Variants in TLN2 observed in about 807,000 individuals in gnomAD.
TLN2 encodes the protein talin-2.
TLN2 carries 118 observed loss-of-function variants against 294.7 expected under a neutral mutation model. That is an observed-to-expected ratio of 0.40 (90% CI 0.34 to 0.47). TLN2 has a LOEUF of 0.47. TLN2 is among the 20% of genes least tolerant of loss of function. TLN2 has a pLI of 0.84. For missense variants in TLN2, 3,083 were observed against 3,282.2 expected (o/e 0.94, Z 1.48); for synonymous variants, 1,431 against 1,304.5 (o/e 1.10, Z -2.09).
In TLN2 at chr15:62,737,047, T is replaced by C; in HGVS notation, c.3528T>C (p.Ile1176=). ...TTCAAGAGGCCAAGCAGGCCCTGATTGCACCTGGAGATGCAGAGCGTCAAC... is the reference window on the plus strand; with the variant it reads ...TTCAAGAGGCCAAGCAGGCCCTGATCGCACCTGGAGATGCAGAGCGTCAAC... The part of the protein sequence containing the change: ...MLIQEAKQAL[I]APGDAERQQR... The change falls in exon 29 of 59, where the codon ATT becomes ATC. Residue 1176 remains isoleucine (I), a synonymous_variant. Coordinates refer to ENST00000636159, the MANE Select transcript of TLN2 (RefSeq NM_015059.3). 1 of 1,614,216 alleles carries C rather than the reference T, an allele frequency of 6.2e-7. No homozygotes were observed. The highest frequency in any genetic ancestry group is 8.5e-7 in the Non-Finnish European group (1 of 1,180,040).
intron 52 of TLN2, among the ~76,000 whole-genome samples, chr15:62,811,734 C>T (rs1969035): frequency 0.72 from 109,344 of 151,964 alleles, 40,002 homozygotes; most frequent in Non-Finnish European, 0.79. Context: ...TAATATCTGC[C>T]GAGTGCGGTG....
intron 45 of TLN2, among the ~76,000 whole-genome samples, chr15:62,787,687 C>G (rs569948610): frequency 7.0e-6 from 1 of 142,522 alleles, no homozygotes; most frequent in Admixed American, 7.6e-5. Flanking sequence ...TTTTTAAACT[C>G]CTTATCTTTT....
intron 7 of TLN2, among the ~76,000 whole-genome samples, chr15:62,653,749 A>T (rs1202237676): frequency 1.8e-4 from 2 of 11,210 alleles, no homozygotes; most frequent in Non-Finnish European, 1.3e-3. Context: ...AATAAAAATT[A>T]AAAAAAAAAA....
chr15:62,446,342 G>C (rs1238066129), intron 1 of TLN2, among the ~76,000 whole-genome samples: 1 of 152,126 alleles, frequency 6.6e-6, no homozygotes, highest in African/African-American at 2.4e-5. Flanking sequence ...TCTTCTGAGC[G>C]CTTAACTCCC....
intron 27 of TLN2, among the ~76,000 whole-genome samples, chr15:62,726,861 C>G (rs866932402): frequency 6.6e-6 from 1 of 152,088 alleles, no homozygotes; most frequent in Admixed American, 6.5e-5. Flanking sequence ...CAGTCTCATG[C>G]TAGTAATTGG....
At chr15:62,696,875 A>AGG (rs1468073001) in intron 14 of TLN2, among the ~76,000 whole-genome samples, 1 of 152,082 alleles carries the variant, frequency 6.6e-6, no homozygotes, top group Non-Finnish European at 1.5e-5. Flanking sequence ...TGAGGACCCG[A>AGG]GGGAGGGGAG....
At chr15:62,483,367 C>T (rs563627537) in intron 1 of TLN2, among the ~76,000 whole-genome samples, 24 of 152,288 alleles carry the variant, frequency 1.6e-4, no homozygotes, top group African/African-American at 5.8e-4. Flanking sequence ...GTAGTCAGCA[C>T]CCTGCCTGGC....
At chr15:62,533,272 A>AG (rs1481271158) in intron 1 of TLN2, among the ~76,000 whole-genome samples, 2 of 151,014 alleles carry the variant, frequency 1.3e-5, no homozygotes, top group Non-Finnish European at 3.0e-5. Context: ...AAAAAAAAAA[A>AG]AAAAAGTGGA....
intron 2 of TLN2, among the ~76,000 whole-genome samples, chr15:62,614,213 A>G (rs1240324861): frequency 6.6e-6 from 1 of 152,212 alleles, no homozygotes; most frequent in Admixed American, 6.5e-5. Context: ...CACAGAATTC[A>G]TCAGCTGATT....
At chr15:62,650,202 C>T (rs187669175) in intron 5 of TLN2, 21 bp downstream of exon 5, 80 of 1,612,546 alleles carry the variant, frequency 5.0e-5, no homozygotes, top group Non-Finnish European at 6.5e-5. Context: ...AATCCCAGTG[C>T]TGTTTCTTCA....
intron 28 of TLN2, among the ~76,000 whole-genome samples, chr15:62,736,179 G>A (rs1169664242): frequency 6.6e-6 from 1 of 152,042 alleles, no homozygotes; most frequent in Non-Finnish European, 1.5e-5. Flanking sequence ...AATTAGCCGG[G>A]CGTGGTGATG....
intron 1 of TLN2, among the ~76,000 whole-genome samples, chr15:62,572,300 G>T (rs1183811088): frequency 6.6e-6 from 1 of 152,012 alleles, no homozygotes; most frequent in Non-Finnish European, 1.5e-5. Context: ...GAGTGCAGTG[G>T]CACAATCATG....
intron 11 of TLN2, among the ~76,000 whole-genome samples, chr15:62,676,524 T>C (rs2141013991): frequency 6.6e-6 from 1 of 152,320 alleles, no homozygotes; most frequent in East Asian, 1.9e-4. Context: ...CCAATATTAA[T>C]AATAACAGCA....
chr15:62,492,209 TG>T (rs2038772650), intron 1 of TLN2, among the ~76,000 whole-genome samples: 1 of 152,110 alleles, frequency 6.6e-6, no homozygotes, highest in Admixed American at 6.5e-5. Context: ...CCCAGCACTT[TG>T]GGAGGCTGAG....
At chr15:62,408,559 A>C (rs2033570663) in intron 1 of TLN2, among the ~76,000 whole-genome samples, 1 of 152,236 alleles carries the variant, frequency 6.6e-6, no homozygotes, top group African/African-American at 2.4e-5. Flanking sequence ...TTTGGCCACT[A>C]GCCTGTAGAT....
chr15:62,511,666 A>G (rs1427778767), intron 1 of TLN2, among the ~76,000 whole-genome samples: 1 of 149,728 alleles, frequency 6.7e-6, no homozygotes, highest in African/African-American at 2.4e-5. Context: ...AGTAAGCGGT[A>G]TGCTTCATGG....
chr15:62,694,242 G>A (rs1595688795), intron 13 of TLN2, 74 bp from the exon 14 acceptor site: 1 of 1,373,550 alleles, frequency 7.3e-7, no homozygotes, highest in East Asian at 2.3e-5. Flanking sequence ...CTCCCAAAGT[G>A]CTGGGATTAG....
In TLN2 at chr15:62,738,205, C is replaced by T. The variant is rs541862049; in HGVS notation, c.3568-9C>T. 162 of 1,612,964 alleles carry T rather than the reference C, an allele frequency of 1.0e-4. No homozygotes were observed. The highest frequency in any genetic ancestry group is 5.0e-4 in the Middle Eastern group (3 of 6,058). ...ACTTAAAGGTGCTTCTCTCTCTCCA[C>T]GAATTCAGGTGGCTAAAGCCGTCTC... On this transcript the variant is annotated splice_polypyrimidine_tract_variant and intron_variant, in intron 29 of 58. Coordinates refer to ENST00000636159, the MANE Select transcript of TLN2 (RefSeq NM_015059.3).
At position 62,796,272 on chromosome 15, in the gene TLN2, G is replaced by A; in HGVS notation, c.6029G>A (p.Ser2010Asn). The A allele has an allele frequency of 6.2e-7, 1 of 1,614,114 alleles. No individual in the cohort carries two copies. The highest frequency in any genetic ancestry group is 8.5e-7 in the Non-Finnish European group (1 of 1,179,982). Residue 2010 changes from serine to asparagine, a missense_variant, in exon 47 of 59, where the codon AGT (serine) becomes AAT (asparagine). Physicochemically the swap from Ser to Asn is conservative, Grantham distance 46 (BLOSUM62 1). Transcript: ENST00000636159. ...GCGGGGACGCTGAATGCAGAGAACAGTGAGACCTTCGCAGACCACAGGTAC... is the reference window on the plus strand; with the variant it reads ...GCGGGGACGCTGAATGCAGAGAACAATGAGACCTTCGCAGACCACAGGTAC... Reference protein sequence around the residue: ...ATAGTLNAENSETFADHRENI... With the variant: ...ATAGTLNAENNETFADHRENI...
Sources: allele counts gnomAD v4.1 joint callset (sites outside exome capture counted in the v4.1 genomes callset), GRCh38; gene constraint gnomAD v4.1.1; transcripts MANE v1.5; gene names NCBI Gene and HGNC (gene_info 2026-07-23, HGNC 2026-07-21).